LRP1B: variants seen among roughly 807,000 people sequenced by gnomAD.
The protein encoded by LRP1B is low-density lipoprotein receptor-related protein 1B.
LRP1B carries 217 observed loss-of-function variants against 556.6 expected under a neutral mutation model. That is an observed-to-expected ratio of 0.39 (90% CI 0.35 to 0.44). LRP1B has a LOEUF of 0.44. Ranked by LOEUF, LRP1B falls within the 20% of genes least tolerant of loss-of-function variation. LRP1B has a pLI of 1.00. For missense variants in LRP1B, 5,053 were observed against 5,620.8 expected (o/e 0.90, Z 3.23); for synonymous variants, 2,047 against 1,865.8 (o/e 1.10, Z -2.50).
chr2:140,823,570 C>T (rs918553235), intron 31 of LRP1B, among the ~76,000 whole-genome samples: 2 of 151,944 alleles, frequency 1.3e-5, no homozygotes, highest in Non-Finnish European at 2.9e-5. Context: ...TTAGAAATCA[C>T]TCAGTGGAAC....
chr2:140,519,638 G>C (rs1290492238), intron 49 of LRP1B, among the ~76,000 whole-genome samples: 1 of 152,154 alleles, frequency 6.6e-6, no homozygotes, highest in East Asian at 1.9e-4. Flanking sequence ...AAGAGATTCT[G>C]CACAGCAGAA....
At chr2:141,362,657 G>A (rs530860721) in intron 3 of LRP1B, among the ~76,000 whole-genome samples, 1 of 152,194 alleles carries the variant, frequency 6.6e-6, no homozygotes, top group South Asian at 2.1e-4. Context: ...AGACAAAATT[G>A]CAAATTCTTC....
At chr2:141,532,388 CAT>C (rs1684916414) in intron 2 of LRP1B, among the ~76,000 whole-genome samples, 1 of 151,938 alleles carries the variant, frequency 6.6e-6, no homozygotes, top group East Asian at 1.9e-4. Flanking sequence ...ACTGAACAAA[CAT>C]GTCCTCAGTC....
chr2:140,715,597 A>G (rs75629385), intron 37 of LRP1B, among the ~76,000 whole-genome samples: 1 of 152,132 alleles, frequency 6.6e-6, no homozygotes, highest in East Asian at 1.9e-4. Flanking sequence ...CCACAGACAC[A>G]TGAATGAATA....
intron 1 of LRP1B, among the ~76,000 whole-genome samples, chr2:142,052,473 C>A (rs1345132668): frequency 6.6e-6 from 1 of 152,142 alleles, no homozygotes; most frequent in African/African-American, 2.4e-5. Context: ...TCTCTGCGTG[C>A]ATCCCAGATT....
At chr2:141,062,704 TG>T (rs1699369579) in intron 7 of LRP1B, among the ~76,000 whole-genome samples, 1 of 151,770 alleles carries the variant, frequency 6.6e-6, no homozygotes, top group Non-Finnish European at 1.5e-5. Context: ...AAACTTATCA[TG>T]TGGAGCTCAA....
At chr2:140,713,023 T>A (rs1006287762) in intron 37 of LRP1B, among the ~76,000 whole-genome samples, 7 of 152,078 alleles carry the variant, frequency 4.6e-5, no homozygotes, top group African/African-American at 1.7e-4. Flanking sequence ...AGACTTCTTT[T>A]TTTGGCACTC....
At chr2:141,426,284 C>G (rs922785059) in intron 3 of LRP1B, among the ~76,000 whole-genome samples, 1 of 151,840 alleles carries the variant, frequency 6.6e-6, no homozygotes, top group Non-Finnish European at 1.5e-5. Context: ...ATCTATATCT[C>G]TGTTTTGGTA....
chr2:141,509,833 T>C (rs1343469553), intron 2 of LRP1B, among the ~76,000 whole-genome samples: 3 of 152,130 alleles, frequency 2.0e-5, no homozygotes, highest in Non-Finnish European at 4.4e-5. Context: ...TAACACAAAT[T>C]TTGATTTACA....
At chr2:140,366,434 G>A (rs1056746228) in intron 71 of LRP1B, among the ~76,000 whole-genome samples, 4 of 151,684 alleles carry the variant, frequency 2.6e-5, no homozygotes, top group African/African-American at 9.7e-5. Context: ...TGGTGATGTC[G>A]AGCAAGCTGG....
At chr2:140,892,265 T>G (rs188428380) in intron 23 of LRP1B, among the ~76,000 whole-genome samples, 27 of 152,236 alleles carry the variant, frequency 1.8e-4, no homozygotes, top group Admixed American at 1.2e-3. Flanking sequence ...CAAACAGGAC[T>G]TGTTCAACAG....
intron 3 of LRP1B, among the ~76,000 whole-genome samples, chr2:141,349,888 G>C (rs1198428191): frequency 6.6e-6 from 1 of 152,046 alleles, no homozygotes; most frequent in African/African-American, 2.4e-5. Context: ...GTATTAGTCT[G>C]TTCTCATGCT....
At chr2:140,896,397 C>A (rs1176010581) in intron 23 of LRP1B, among the ~76,000 whole-genome samples, 3 of 151,342 alleles carry the variant, frequency 2.0e-5, no homozygotes, top group African/African-American at 7.3e-5. Context: ...TGTAAAGAAT[C>A]AGAGAAGGGA....
intron 43 of LRP1B, among the ~76,000 whole-genome samples, chr2:140,582,018 A>G (rs1025514819): frequency 1.3e-5 from 2 of 152,190 alleles, no homozygotes; most frequent in Non-Finnish European, 2.9e-5. Flanking sequence ...GGCCAAAATT[A>G]TGAAGATTCT....
At chr2:142,007,514 T>C (rs41353347) in intron 1 of LRP1B, among the ~76,000 whole-genome samples, 2,055 of 152,284 alleles carry the variant, frequency 0.013, 44 homozygotes, top group African/African-American at 0.047. Flanking sequence ...AGAATACGAA[T>C]GGGTTCTCAG....
chr2:140,351,407 GT>G (rs1316045002), intron 76 of LRP1B, among the ~76,000 whole-genome samples: 2 of 151,958 alleles, frequency 1.3e-5, no homozygotes. Flanking sequence ...AGCTTCAAAA[GT>G]TTCTGATTAC....
chr2:140,532,276 T>A (rs1423355611), intron 47 of LRP1B, among the ~76,000 whole-genome samples: 1 of 152,190 alleles, frequency 6.6e-6, no homozygotes, highest in African/African-American at 2.4e-5. Context: ...GCTTTAAACC[T>A]TTAGTGACTT....
intron 1 of LRP1B, among the ~76,000 whole-genome samples, chr2:141,960,885 A>T (rs1188424868): frequency 6.6e-6 from 1 of 151,862 alleles, no homozygotes. Flanking sequence ...ATAATATCTT[A>T]AAGTATATTA....
intron 2 of LRP1B, among the ~76,000 whole-genome samples, chr2:141,526,858 T>A (rs1480681717): frequency 6.6e-6 from 1 of 152,128 alleles, no homozygotes; most frequent in African/African-American, 2.4e-5. Flanking sequence ...AAAGAGTATA[T>A]GAACCATTTA....
Sources: allele counts gnomAD v4.1 joint callset (sites outside exome capture counted in the v4.1 genomes callset), GRCh38; gene constraint gnomAD v4.1.1; transcripts MANE v1.5; gene names NCBI Gene and HGNC (gene_info 2026-07-23, HGNC 2026-07-21).